Variants in AKAP6 observed in about 807,000 individuals in gnomAD.
AKAP6 encodes A-kinase anchoring protein 6, also known as A-kinase anchor protein 6.
In AKAP6, 58 loss-of-function variants were observed where a neutral mutation model predicts 188.5. The ratio of observed to expected loss-of-function variants is 0.31; its 90% CI spans 0.25 to 0.38. The LOEUF (loss-of-function observed/expected upper bound fraction) is 0.38. AKAP6 is among the 10% of genes least tolerant of loss of function. The pLI, the probability that AKAP6 is intolerant of heterozygous loss-of-function variation, is 1.00. For synonymous variants in AKAP6, 989 were observed against 998.6 expected (o/e 0.99, Z 0.18); for missense variants, 2,710 against 2,740.0 (o/e 0.99, Z 0.24).
chr14:32,739,564 A>G (rs1168535801), intron 11 of AKAP6, among the ~76,000 whole-genome samples: 1 of 151,530 alleles, frequency 6.6e-6, no homozygotes, highest in African/African-American at 2.4e-5. Flanking sequence ...TACTCTCTAT[A>G]TGTGTGAGTT....
At chr14:32,778,306 A>T (rs2033130425) in intron 12 of AKAP6, among the ~76,000 whole-genome samples, 1 of 152,158 alleles carries the variant, frequency 6.6e-6, no homozygotes, top group African/African-American at 2.4e-5. Context: ...TTTTTGTATT[A>T]TTTAAATCTC....
chr14:32,621,408 T>C (rs542927526), intron 7 of AKAP6, among the ~76,000 whole-genome samples: 147 of 152,192 alleles, frequency 9.7e-4, no homozygotes, highest in African/African-American at 3.2e-3. Flanking sequence ...TAATTTAAAT[T>C]TCCATCTTGG....
At chr14:32,403,067 C>T (rs1889153308) in intron 1 of AKAP6, 1 of 152,152 alleles carries the variant, frequency 6.6e-6, no homozygotes, top group Non-Finnish European at 1.5e-5. Flanking sequence ...AAGTATACAA[C>T]ACTGTAGACT....
At chr14:32,481,168 CA>C (rs1879321649) in intron 2 of AKAP6, among the ~76,000 whole-genome samples, 1 of 152,114 alleles carries the variant, frequency 6.6e-6, no homozygotes, top group Non-Finnish European at 1.5e-5. Context: ...TTTATCTGTT[CA>C]GTATTGATTG....
chr14:32,552,464 G>A (rs1054430952), intron 4 of AKAP6, among the ~76,000 whole-genome samples: 2 of 151,482 alleles, frequency 1.3e-5, no homozygotes, highest in African/African-American at 2.4e-5. Flanking sequence ...GAGAGAGAAA[G>A]AGATACTAAA....
intron 2 of AKAP6, among the ~76,000 whole-genome samples, chr14:32,485,970 A>C (rs1879663263): frequency 6.6e-6 from 1 of 152,156 alleles, no homozygotes; most frequent in Non-Finnish European, 1.5e-5. Context: ...TTAAATCTTC[A>C]ATCCATCTTG....
intron 1 of AKAP6, among the ~76,000 whole-genome samples, chr14:32,365,924 T>G (rs1291447977): frequency 1.3e-5 from 2 of 152,178 alleles, no homozygotes; most frequent in Admixed American, 1.3e-4. Flanking sequence ...TTGCAGTTAG[T>G]CCACCTCTCT....
chr14:32,692,736 G>T (rs910229928), intron 8 of AKAP6, among the ~76,000 whole-genome samples: 7 of 152,146 alleles, frequency 4.6e-5, no homozygotes, highest in African/African-American at 1.7e-4. Flanking sequence ...AGGATGCAAA[G>T]ATAATAAATT....
intron 2 of AKAP6, among the ~76,000 whole-genome samples, chr14:32,452,189 G>C (rs544155629): frequency 6.6e-6 from 1 of 151,564 alleles, no homozygotes; most frequent in South Asian, 2.1e-4. Context: ...AGGTCACCAT[G>C]CTTGGCTAAT....
intron 1 of AKAP6, among the ~76,000 whole-genome samples, chr14:32,415,155 A>G (rs1245140114): frequency 6.6e-6 from 1 of 152,216 alleles, no homozygotes; most frequent in African/African-American, 2.4e-5. Context: ...ATATTGCATT[A>G]CACTGGTACA....
intron 7 of AKAP6, among the ~76,000 whole-genome samples, chr14:32,628,460 G>A (rs12586862): frequency 0.11 from 16,118 of 152,044 alleles, 1,568 homozygotes; most frequent in East Asian, 0.51. Context: ...TTAGACACAA[G>A]CTGCTCTGAA....
At chr14:32,375,276 A>G (rs1483404562) in intron 1 of AKAP6, among the ~76,000 whole-genome samples, 1 of 152,172 alleles carries the variant, frequency 6.6e-6, no homozygotes, top group Non-Finnish European at 1.5e-5. Flanking sequence ...CATAATACAG[A>G]AGGGAAAAGA....
intron 12 of AKAP6, among the ~76,000 whole-genome samples, chr14:32,776,820 G>T (rs2033081783): frequency 6.6e-6 from 1 of 152,128 alleles, no homozygotes; most frequent in African/African-American, 2.4e-5. Context: ...AACTCAAGGA[G>T]ACTGTCAGTC....
At position 32,546,214 on chromosome 14, in the gene AKAP6, G is replaced by A; in HGVS notation, c.1561G>A (p.Ala521Thr). 1.2e-6 allele frequency: 2 copies of A among 1,614,150 alleles called. No homozygotes were observed. Among genetic ancestry groups the A allele is most frequent in the Non-Finnish European group, 1.7e-6 (2 of 1,180,018 alleles). The change falls in exon 4 of 14, where the codon GCT (alanine) becomes ACT (threonine). Residue 521 changes from alanine to threonine, a missense_variant. By Grantham distance (58) the Ala-to-Thr change is moderately conservative (BLOSUM62 0). Transcript: ENST00000280979. ...ACGGGGGACTGGTTCAGGCAAACAA[G>A]CTAAAAATACAAAGAGCTCAGCAGT... ...PKRGTGSGKQ[A>T]KNTKSSAVPN...
At chr14:32,801,822 C>G (rs973668008) in intron 12 of AKAP6, among the ~76,000 whole-genome samples, 2 of 152,074 alleles carry the variant, frequency 1.3e-5, no homozygotes, top group African/African-American at 4.8e-5. Flanking sequence ...AAATATTTCA[C>G]TTCACTCTCT....
At chr14:32,396,081 A>C (rs576909862) in intron 1 of AKAP6, among the ~76,000 whole-genome samples, 1 of 152,318 alleles carries the variant, frequency 6.6e-6, no homozygotes, top group Admixed American at 6.5e-5. Flanking sequence ...TGATCAAAAG[A>C]CTGCTACTAT....
At position 32,837,108 on chromosome 14, in the gene AKAP6, C is replaced by T. The variant is rs2034882993; in HGVS notation, c.*7303C>T. 6.6e-6 allele frequency: 1 copy of T among 152,138 alleles called. No individual in the cohort carries two copies. Among genetic ancestry groups the T allele is most frequent in the Admixed American group, 6.5e-5 (1 of 15,270 alleles). The allele number at this position is 152,138 out of a possible 1,614,324, so 9.4% of individuals were successfully genotyped here. A position where few individuals can be genotyped will look rare whatever the true frequency, so the allele number is the denominator to read the frequency against. ...ATGTTCATCAACGTTTTAGACTGTACCATTGCTCTTTCTCCCTTCTTTATT... is the reference window on the plus strand; with the variant it reads ...ATGTTCATCAACGTTTTAGACTGTATCATTGCTCTTTCTCCCTTCTTTATT... On this transcript the variant is annotated 3_prime_UTR_variant, in exon 14 of 14. Transcript: ENST00000280979.
At chr14:32,730,265 T>C (rs2031107960) in intron 9 of AKAP6, among the ~76,000 whole-genome samples, 1 of 152,168 alleles carries the variant, frequency 6.6e-6, no homozygotes, top group African/African-American at 2.4e-5. Context: ...TTTGAAGGCA[T>C]TGTCCATCAA....
chr14:32,659,019 C>T (rs1442795877), intron 7 of AKAP6, among the ~76,000 whole-genome samples: 1 of 151,970 alleles, frequency 6.6e-6, no homozygotes, highest in African/African-American at 2.4e-5. Flanking sequence ...TTATCACTTA[C>T]AAAGACAAGC....
Sources: gnomAD v4.1 joint callset for allele counts (sites outside exome capture counted in the v4.1 genomes callset) on GRCh38, gnomAD v4.1.1 for gene constraint, MANE v1.5 for transcripts, NCBI Gene and HGNC (gene_info 2026-07-23, HGNC 2026-07-21) for gene names.